The following CWF19L1 variants were observed in gnomAD, a reference collection of about 807,000 sequenced individuals.
CWF19L1 encodes the protein CWF19-like protein 1.
A neutral mutation model predicts 69.7 loss-of-function variants in CWF19L1; 60 were observed. That is an observed-to-expected ratio of 0.86 (90% confidence interval 0.70 to 1.07). The LOEUF is 1.07. CWF19L1 is among the 50% of genes least tolerant of loss of function. The pLI is 0.00. For missense variants in CWF19L1, 591 were observed against 638.9 expected (o/e 0.92, Z 0.81); for synonymous variants, 209 against 222.2 (o/e 0.94, Z 0.53).
chr10:100,233,155 ATTCTT>A lies in CWF19L1; in HGVS notation c.*67_*71del. 1 of 1,450,234 alleles carries A rather than the reference ATTCTT, an allele frequency of 6.9e-7. No homozygotes were observed. The highest frequency in any genetic ancestry group is 9.2e-7 in the Non-Finnish European group (1 of 1,081,566). 89.8% of individuals were successfully genotyped at this position (1,450,234 alleles called of 1,614,324 possible). ...AGAGCGAGACTTTGTCTCAAAAAAA[ATTCTT>A]TTAATTAAAAAAAAAAAAAAGCTTT... is the stretch of plus-strand genomic sequence containing the variant. On this transcript the variant is annotated 3_prime_UTR_variant, in exon 14 of 14. Transcript: ENST00000354105.
At position 100,235,714 on chromosome 10, in the gene CWF19L1, T is replaced by C. The variant is rs1846411341; in HGVS notation, c.1425A>G (p.Glu475=). ...AYFYVELDTG[E]KLFHRIKKNF... is the part of the protein sequence containing the mutation. ...TCTTTTTAATTCTGTGGAAAAGCTT[T>C]TCTCCTGTGTCAAGTTCAACATAAA... is the stretch of plus-strand genomic sequence containing the variant. The change falls in exon 13 of 14, where the codon GAA becomes GAG. Residue 475 remains glutamate, a synonymous_variant. Coordinates refer to ENST00000354105, the MANE Select transcript of CWF19L1 (RefSeq NM_018294.6). The C allele has an allele frequency of 1.9e-6, 3 of 1,612,560 alleles. No homozygotes were observed. In the South Asian group the frequency reaches 3.3e-5, roughly 18 times the overall value.
intron 4 of CWF19L1, among the ~76,000 whole-genome samples, chr10:100,259,877 C>T (rs1218679655): frequency 6.6e-6 from 1 of 152,062 alleles, no homozygotes; most frequent in Non-Finnish European, 1.5e-5. Flanking sequence ...ACAAATACAA[C>T]AAATATCGGC....
At chr10:100,255,464 G>A (rs1847178776) in intron 5 of CWF19L1, among the ~76,000 whole-genome samples, 1 of 147,876 alleles carries the variant, frequency 6.8e-6, no homozygotes. Context: ...GGCCAACATG[G>A]TGAAATCCCA....
At chr10:100,249,731 C>T (rs1001753292) in intron 7 of CWF19L1, among the ~76,000 whole-genome samples, 4 of 152,016 alleles carry the variant, frequency 2.6e-5, no homozygotes, top group Non-Finnish European at 5.9e-5. Flanking sequence ...ATTACAGGTG[C>T]CCCCCACCAC....
At chr10:100,248,972 G>T in intron 7 of CWF19L1, 1 of 706,062 alleles carries the variant, frequency 1.4e-6, no homozygotes, top group Non-Finnish European at 2.6e-6. Flanking sequence ...ATAGAGCTGC[G>T]CAAGCTGGAA....
At chr10:100,243,266 A>C (rs1446231856) in intron 10 of CWF19L1, among the ~76,000 whole-genome samples, 1 of 152,332 alleles carries the variant, frequency 6.6e-6, no homozygotes, top group African/African-American at 2.4e-5. Context: ...AATGTGGTAC[A>C]TCTATACACT....
chr10:100,250,211 T>C lies in CWF19L1; in HGVS notation c.708+37A>G, dbSNP rs778930399. On this transcript the variant is annotated intron_variant, in intron 7 of 13. Transcript: ENST00000354105. ...AGAGATACATTTATCAGGCAGACCA[T>C]GAATATCAACCTTCCACCAAATAGG... 6 of 1,315,572 alleles carry C rather than the reference T, an allele frequency of 4.6e-6. No homozygotes were observed. The Admixed American group carries it at 5.0e-5, about 11-fold the overall frequency. The allele number at this position is 1,315,572 out of a possible 1,614,324, so 81.5% of individuals were successfully genotyped here. A position where few individuals can be genotyped will look rare whatever the true frequency, so the allele number is the denominator to read the frequency against.
Position 100,245,826 on chromosome 10 carries a change from G to A in CWF19L1, c.937C>T (p.Pro313Ser). ...GGTTTGCGAGGCTGCTTTGGATGAG[G>A]AGAAGATTTGCTATCTCTACCTGTG... ...SSTGRDSKSS[P>S]HPKQPRKPPQ... is the part of the protein sequence containing the mutation. The change falls in exon 9 of 14, where the codon CCT becomes TCT. Residue 313 changes from proline to serine, a missense_variant. Pro to Ser is a moderately conservative substitution (Grantham distance 74). Transcript: ENST00000354105. The A allele has an allele frequency of 6.2e-7, 1 of 1,614,128 alleles. No homozygotes were observed. The highest frequency in any genetic ancestry group is 8.5e-7 in the Non-Finnish European group (1 of 1,179,948).
intron 11 of CWF19L1, chr10:100,237,375 G>C (rs1392179835): frequency 7.2e-6 from 3 of 417,430 alleles, no homozygotes; most frequent in African/African-American, 4.1e-5. Context: ...CTACCACTAA[G>C]CTTTCCCTCA....
chr10:100,241,515 AATGG>A (rs1846638904), intron 10 of CWF19L1, among the ~76,000 whole-genome samples: 1 of 152,240 alleles, frequency 6.6e-6, no homozygotes, highest in Admixed American at 6.5e-5. Flanking sequence ...ATCAATGAGA[AATGG>A]ATGAAGGCAC....
intron 7 of CWF19L1, among the ~76,000 whole-genome samples, chr10:100,249,793 C>G (rs889181101): frequency 1.2e-4 from 18 of 152,180 alleles, no homozygotes; most frequent in African/African-American, 4.3e-4. Context: ...ACCATGTTGG[C>G]CAGGCTGGTC....
intron 6 of CWF19L1, among the ~76,000 whole-genome samples, chr10:100,251,885 T>A (rs1188904150): frequency 6.6e-6 from 1 of 152,186 alleles, no homozygotes; most frequent in African/African-American, 2.4e-5. Flanking sequence ...TTGAGTGGCT[T>A]GTTCCCAAAA....
chr10:100,238,269 G>A lies in CWF19L1; in HGVS notation c.1045-38C>T, dbSNP rs189480589. 132 of 1,583,500 alleles carry A rather than the reference G, an allele frequency of 8.3e-5. No homozygotes were observed. In the East Asian group the frequency reaches 2.9e-3, roughly 35 times the overall value. On this transcript the variant is annotated intron_variant, in intron 10 of 13. Coordinates refer to ENST00000354105, the MANE Select transcript of CWF19L1 (RefSeq NM_018294.6). Reference sequence around the variant, plus strand: ...CACACAGAATTGAGACATCAATACAGCATGTAGGATTCTCCAGGGAGAAAA... The same window carrying A: ...CACACAGAATTGAGACATCAATACAACATGTAGGATTCTCCAGGGAGAAAA...
chr10:100,251,194 T>C (rs1390029105), intron 6 of CWF19L1, among the ~76,000 whole-genome samples: 2 of 152,142 alleles, frequency 1.3e-5, no homozygotes, highest in Admixed American at 1.3e-4. Context: ...TGTGTACAAG[T>C]TTTTGTGTGG....
Position 100,250,843 on chromosome 10 carries a change from G to A in CWF19L1, c.624-511C>T, listed in dbSNP as rs181661926. Reference sequence around the variant, plus strand: ...CATACCTACAGTCCCAGCTACTCAGGAGGCTAAGGTAGGAGAATCACTTGA... The same window carrying A: ...CATACCTACAGTCCCAGCTACTCAGAAGGCTAAGGTAGGAGAATCACTTGA... On this transcript the variant is annotated intron_variant, in intron 6 of 13. Transcript: ENST00000354105. Among the ~76,000 whole-genome samples, 4 of 151,720 alleles carry A rather than the reference G, an allele frequency of 2.6e-5. No individual in the cohort carries two copies. In the East Asian group the frequency reaches 5.8e-4, roughly 22 times the overall value.
rs1306395458 is a variant in CWF19L1 at position 100,256,273 on chromosome 10, C to G, written c.493G>C (p.Gly165Arg). 6.2e-7 allele frequency: 1 copy of G among 1,613,892 alleles called. No individual in the cohort carries two copies. The highest frequency in any genetic ancestry group is 8.5e-7 in the Non-Finnish European group (1 of 1,179,794). Residue 165 changes from glycine to arginine, a missense_variant, in exon 5 of 14, where the codon GGG becomes CGG. By Grantham distance (125) the Gly-to-Arg change is moderately radical. This residue lies in a region of CWF19L1 where 458 missense variants were observed against 489.3 expected (regional missense o/e 0.94). Transcript: ENST00000354105. ...SPWPKCVGNF[G>R]NSSGEVDTKK... Reference sequence around the variant, plus strand: ...CAAACACTACTCACAGAAGAATTCCCAAAGTTCCCCACACACTTGGGCCAT... The same window carrying G: ...CAAACACTACTCACAGAAGAATTCCGAAAGTTCCCCACACACTTGGGCCAT...
chr10:100,261,972 A>G lies in CWF19L1; in HGVS notation c.108+7T>C. The G allele has an allele frequency of 6.3e-7, 1 of 1,590,582 alleles. No homozygotes were observed. Among genetic ancestry groups the G allele is most frequent in the Non-Finnish European group, 8.5e-7 (1 of 1,172,924 alleles). On this transcript the variant is annotated splice_region_variant and intron_variant, in intron 2 of 13. Transcript: ENST00000354105. The stretch of plus-strand genomic sequence containing the variant: ...AAAATTAAATTCAGTAAAAACAAAC[A>G]TCTTACATCAAAGTTTCCACTTTTC...
chr10:100,262,792 T>A (rs748161466), intron 1 of CWF19L1, among the ~76,000 whole-genome samples: 1 of 152,232 alleles, frequency 6.6e-6, no homozygotes, highest in Non-Finnish European at 1.5e-5. Flanking sequence ...TCTGAGATTT[T>A]CTAATTCTGA....
At chr10:100,234,201 T>C (rs1846360069) in intron 13 of CWF19L1, among the ~76,000 whole-genome samples, 1 of 152,236 alleles carries the variant, frequency 6.6e-6, no homozygotes, top group Non-Finnish European at 1.5e-5. Flanking sequence ...TCATGAATTC[T>C]CTATAAGTCA....
Sources: gnomAD v4.1 joint callset for allele counts (sites outside exome capture counted in the v4.1 genomes callset) on GRCh38, gnomAD v4.1.1 for gene constraint, gnomAD v4.1.1 regional missense constraint, MANE v1.5 for transcripts, NCBI Gene and HGNC (gene_info 2026-07-23, HGNC 2026-07-21) for gene names.